AFF2: variants seen among roughly 807,000 people sequenced by gnomAD.
AFF2 encodes the protein ALF transcription elongation factor 2.
AFF2 carries 14 observed loss-of-function variants against 76.9 expected under a neutral mutation model. The observed-to-expected ratio is 0.18, with a 90% confidence interval of 0.12 to 0.28. The LOEUF (loss-of-function observed/expected upper bound fraction) is 0.28. AFF2 is among the 10% of genes least tolerant of loss of function. The pLI, the probability that AFF2 is intolerant of heterozygous loss-of-function variation, is 1.00. For missense variants in AFF2, 868 were observed against 1,001.1 expected (o/e 0.87, Z 1.79); for synonymous variants, 398 against 366.7 (o/e 1.09, Z -0.98).
intron 7 of AFF2, among the ~76,000 whole-genome samples, chrX:148,874,304 C>G (rs781946780): frequency 1.8e-5 from 2 of 111,865 alleles, no homozygotes; most frequent in African/African-American, 6.5e-5. Flanking sequence ...CTCCAGTTTG[C>G]CTTAATATCA....
At position 148,622,620 on chromosome X, in the gene AFF2, A is replaced by T. The variant is rs782611016; in HGVS notation, c.48-29379A>T. On this transcript the variant is annotated intron_variant, in intron 1 of 20. Coordinates refer to ENST00000370460, the MANE Select transcript of AFF2 (RefSeq NM_002025.4). ...CTGCAGTTTACCATCACAAGCACCT[A>T]CTCTATAGGTGCAGCGCTCAGTGCT... 5.4e-5 allele frequency among the ~76,000 whole-genome samples: 6 copies of T among 111,200 alleles called. No homozygotes were observed. The South Asian group carries it at 1.9e-3, about 35-fold the overall frequency.
chrX:148,516,851 CT>C (rs1486678956), intron 1 of AFF2, among the ~76,000 whole-genome samples: 1 of 111,894 alleles, frequency 8.9e-6, no homozygotes, highest in Non-Finnish European at 1.9e-5. Flanking sequence ...TGAAAAGCCA[CT>C]CTTCTGGCTG....
Position 148,978,350 on chromosome X carries a change from T to A in AFF2, c.3477-12T>A. The A allele has an allele frequency of 8.5e-7, 1 of 1,172,597 alleles. No individual in the cohort carries two copies. Among genetic ancestry groups the A allele is most frequent in the Non-Finnish European group, 1.2e-6 (1 of 860,294 alleles). On this transcript the variant is annotated splice_polypyrimidine_tract_variant and intron_variant, in intron 17 of 20. Coordinates refer to ENST00000370460, the MANE Select transcript of AFF2 (RefSeq NM_002025.4). Reference sequence around the variant, plus strand: ...CACTGGCATTAACAGAAGCCTTTCCTCATCACCACAGCTACCGATGTTTAT... The same window carrying A: ...CACTGGCATTAACAGAAGCCTTTCCACATCACCACAGCTACCGATGTTTAT...
chrX:148,522,549 T>C (rs782702629), intron 1 of AFF2, among the ~76,000 whole-genome samples: 1 of 112,416 alleles, frequency 8.9e-6, no homozygotes, highest in South Asian at 3.7e-4. Context: ...TTTAAGTTTT[T>C]CTATTCACTA....
intron 3 of AFF2, among the ~76,000 whole-genome samples, chrX:148,686,518 G>T (rs945233948): frequency 1.8e-5 from 2 of 111,610 alleles, no homozygotes; most frequent in East Asian, 5.6e-4. Context: ...GTGAAAAGGG[G>T]CATAAACTAG....
chrX:148,577,934 G>A (rs183294594), intron 1 of AFF2, among the ~76,000 whole-genome samples: 100 of 112,311 alleles, frequency 8.9e-4, no homozygotes, highest in African/African-American at 3.2e-3. Context: ...CGCTGGCCAG[G>A]CTTCCATCCA....
intron 12 of AFF2, among the ~76,000 whole-genome samples, chrX:148,962,013 A>G (rs959092538): frequency 1.8e-5 from 2 of 112,620 alleles, no homozygotes; most frequent in Non-Finnish European, 3.7e-5. Flanking sequence ...TCAGTTTGAA[A>G]GCACGGGAGT....
intron 1 of AFF2, among the ~76,000 whole-genome samples, chrX:148,615,278 C>T (rs1557250163): frequency 8.9e-6 from 1 of 111,883 alleles, no homozygotes; most frequent in Non-Finnish European, 1.9e-5. Flanking sequence ...GGCTTACTCT[C>T]CTCAGCTAAT....
chrX:148,601,150 C>T (rs145308285), intron 1 of AFF2, among the ~76,000 whole-genome samples: 7 of 112,503 alleles, frequency 6.2e-5, no homozygotes, highest in Non-Finnish European at 9.4e-5. Context: ...TACTTAAGTA[C>T]TAATTTCAAT....
chrX:148,719,289 G>A, intron 3 of AFF2: 1 of 900,731 alleles, frequency 1.1e-6, no homozygotes, highest in South Asian at 2.2e-5. Flanking sequence ...TTAACAAGTA[G>A]CTTTTCTCTC....
chrX:148,852,854 G>A (rs1237313595), intron 7 of AFF2, among the ~76,000 whole-genome samples: 1 of 112,038 alleles, frequency 8.9e-6, no homozygotes, highest in Non-Finnish European at 1.9e-5. Context: ...AGTCATATTT[G>A]AAGTCAGGCC....
chrX:148,655,159 C>A (rs2054238678), intron 2 of AFF2, among the ~76,000 whole-genome samples: 1 of 111,121 alleles, frequency 9.0e-6, no homozygotes, highest in Non-Finnish European at 1.9e-5. Flanking sequence ...AGCCATCTGT[C>A]TTGATATTAC....
intron 19 of AFF2, among the ~76,000 whole-genome samples, chrX:148,986,970 G>C (rs186351449): frequency 5.4e-5 from 6 of 111,613 alleles, no homozygotes; most frequent in African/African-American, 1.6e-4. Flanking sequence ...GGAGCCCTCG[G>C]TGGTGGTCAA....
At chrX:148,558,329 G>A (rs1023479902) in intron 1 of AFF2, among the ~76,000 whole-genome samples, 5 of 111,270 alleles carry the variant, frequency 4.5e-5, no homozygotes, top group Non-Finnish European at 9.4e-5. Flanking sequence ...CCATAAATCC[G>A]GGCTAAAATC....
intron 1 of AFF2, among the ~76,000 whole-genome samples, chrX:148,627,128 T>C (rs1557252220): frequency 6.3e-5 from 7 of 111,929 alleles, no homozygotes; most frequent in Non-Finnish European, 1.3e-4. Context: ...GGGGAATTAC[T>C]TGAGCCCAGG....
intron 1 of AFF2, among the ~76,000 whole-genome samples, chrX:148,613,666 A>G (rs1006950159): frequency 2.7e-5 from 3 of 111,156 alleles, no homozygotes; most frequent in Non-Finnish European, 3.8e-5. Flanking sequence ...CTCCCATCAC[A>G]TGCCCTCATG....
intron 3 of AFF2, among the ~76,000 whole-genome samples, chrX:148,767,209 A>G (rs1402392899): frequency 1.8e-5 from 2 of 111,047 alleles, no homozygotes; most frequent in Non-Finnish European, 3.8e-5. Context: ...AATAAAAATA[A>G]TAATTTATCA....
intron 1 of AFF2, among the ~76,000 whole-genome samples, chrX:148,632,835 G>A (rs1296996098): frequency 8.9e-6 from 1 of 111,896 alleles, no homozygotes; most frequent in Non-Finnish European, 1.9e-5. Context: ...GGAAGCTGAG[G>A]CCCAATAGGG....
Position 148,996,022 on chromosome X carries a change from G to T in AFF2, c.*4690G>T. The T allele has an allele frequency of 8.8e-6, 1 of 113,964 alleles. No homozygotes were observed. The allele number at this position is 113,964 out of a possible 1,213,427, so 9.4% of individuals were successfully genotyped here. ...AGGAAGCCAGCTGTCATATTCGGAG[G>T]GAATTTCAGATGCTTTACCTTTTTG... On this transcript the variant is annotated 3_prime_UTR_variant, in exon 21 of 21. Coordinates refer to ENST00000370460, the MANE Select transcript of AFF2 (RefSeq NM_002025.4).
Sources: allele counts gnomAD v4.1 joint callset (sites outside exome capture counted in the v4.1 genomes callset), GRCh38; gene constraint gnomAD v4.1.1; transcripts MANE v1.5; gene names NCBI Gene and HGNC (gene_info 2026-07-23, HGNC 2026-07-21).